The following INTS10 variants were observed in gnomAD, a reference collection of about 807,000 sequenced individuals.
The protein encoded by INTS10 is chromosome 8 open reading frame 35.
INTS10 carries 44 observed loss-of-function variants against 94.4 expected under a neutral mutation model. That is an observed-to-expected ratio of 0.47 (90% CI 0.37 to 0.60). The LOEUF (loss-of-function observed/expected upper bound fraction) is 0.60, where lower values mean the gene tolerates loss of function less well. INTS10 is among the 20% of genes least tolerant of loss of function. The pLI is 0.00. For missense variants in INTS10, 797 were observed against 868.7 expected, an observed-to-expected ratio of 0.92 and a Z score of 1.04; for synonymous variants, 341 against 320.7, an observed-to-expected ratio of 1.06 and a Z score of -0.68.
At position 19,849,175 on chromosome 8, in the gene INTS10, C is replaced by T. The variant is rs2068820090; in HGVS notation, c.1977-2474C>T. The T allele has an allele frequency of 7.8e-7, 1 of 1,289,334 alleles. No homozygotes were observed. Among genetic ancestry groups the T allele is most frequent in the Admixed American group, 2.3e-5 (1 of 43,536 alleles). The allele number at this position is 1,289,334 out of a possible 1,614,324, so 79.9% of individuals were successfully genotyped here. On this transcript the variant is annotated intron_variant, in intron 16 of 16. Coordinates refer to ENST00000397977, the MANE Select transcript of INTS10 (RefSeq NM_018142.4). This position sits in a 1 kb window ranked among gnomAD's most constrained non-coding sequence, Gnocchi z 4.6. ...TGTTTTTTAAAGGCCTTCTAGCCCT[C>T]CCATGGGGTTACTGCAGCAGGAATT...
chr8:19,830,571 C>G lies in INTS10; in HGVS notation c.1294+12C>G, dbSNP rs758562149. ...ATTCCTTGACAAAGGTAAGAAAGCG[C>G]ATGTCATTGGTGCTGTTTGATGTTT... On this transcript the variant is annotated intron_variant, in intron 10 of 16. Coordinates refer to ENST00000397977, the MANE Select transcript of INTS10 (RefSeq NM_018142.4). 1 of 1,607,438 alleles carries G rather than the reference C, an allele frequency of 6.2e-7. No individual in the cohort carries two copies. Among genetic ancestry groups the G allele is most frequent in the Non-Finnish European group, 8.5e-7 (1 of 1,176,972 alleles).
In INTS10 at chr8:19,826,562, A is replaced by G; in HGVS notation, c.1140+3A>G. The G allele has an allele frequency of 6.2e-7, 1 of 1,609,670 alleles. No homozygotes were observed. Among genetic ancestry groups the G allele is most frequent in the Middle Eastern group, 1.7e-4 (1 of 6,042 alleles). On this transcript the variant is annotated splice_donor_region_variant and intron_variant, in intron 9 of 16. Transcript: ENST00000397977. ...CTGAAGGAAGAGAAAAAACCATGGT[A>G]AGGCTTTCAAATATACTTATTAACA... is the stretch of plus-strand genomic sequence containing the variant.
At chr8:19,826,692 C>A in intron 9 of INTS10, 133 bp downstream of exon 9, 1 of 823,570 alleles carries the variant, frequency 1.2e-6, no homozygotes, top group Non-Finnish European at 1.8e-6. Flanking sequence ...TTAATAATTA[C>A]TAAGTCAGTG....
At chr8:19,833,618 T>G (rs950293596) in intron 12 of INTS10, among the ~76,000 whole-genome samples, 14 of 152,290 alleles carry the variant, frequency 9.2e-5, no homozygotes, top group African/African-American at 3.4e-4. Flanking sequence ...ATTACACTCT[T>G]GTCTCTTCTG....
chr8:19,830,178 GA>G lies in INTS10; in HGVS notation c.1141-220del, dbSNP rs893865745. Among the ~76,000 whole-genome samples, 7 of 151,632 alleles carry G rather than the reference GA, an allele frequency of 4.6e-5. No individual in the cohort carries two copies. In the South Asian group the frequency reaches 8.3e-4, roughly 18 times the overall value. ...AAGCAAACATAAGAATTTAACATCAGAAAAAAAATTCACTCAATTTTAGAAG... is the reference window on the plus strand; with the variant it reads ...AAGCAAACATAAGAATTTAACATCAGAAAAAAATTCACTCAATTTTAGAAG... On this transcript the variant is annotated intron_variant, in intron 9 of 16. Transcript: ENST00000397977.
At chr8:19,825,145 ATGT>A (rs1372221663) in intron 8 of INTS10, among the ~76,000 whole-genome samples, 173 bp downstream of exon 8, 2 of 152,216 alleles carry the variant, frequency 1.3e-5, no homozygotes, top group Non-Finnish European at 2.9e-5. Context: ...GGTAGTTTTT[ATGT>A]AAGTATATTT....
rs2069025756 is a variant in INTS10 at position 19,851,458 on chromosome 8, C to T, written c.1977-191C>T. On this transcript the variant is annotated intron_variant, in intron 16 of 16. Coordinates refer to ENST00000397977, the MANE Select transcript of INTS10 (RefSeq NM_018142.4). The surrounding 1 kb of genome is among the most constrained non-coding windows in gnomAD (Gnocchi z 5.0). ...TTTATAGAGTGAGAAAGATGTCTGT[C>T]TAGTTTTAAGTCTTTCTGAAGAGAA... Among the ~76,000 whole-genome samples, 1 of 152,196 alleles carries T rather than the reference C, an allele frequency of 6.6e-6. No homozygotes were observed. The highest frequency in any genetic ancestry group is 2.1e-4 in the South Asian group (1 of 4,830).
chr8:19,835,519 G>T (rs952790720), intron 12 of INTS10, among the ~76,000 whole-genome samples: 84 of 152,216 alleles, frequency 5.5e-4, no homozygotes, highest in African/African-American at 1.9e-3. Context: ...TCAGGGAAGG[G>T]TGTTTTCTTT....
rs375757550 is a variant in INTS10, at chr8:19,844,216, G to T, written c.1860G>T (p.Glu620Asp). Residue 620 changes from glutamate (E) to aspartate (D), a missense_variant, in exon 15 of 17, where the codon GAG (glutamate) becomes GAT (aspartate). Physicochemically the swap from Glu to Asp is conservative, Grantham distance 45 (BLOSUM62 2). Transcript: ENST00000397977. ...KICQQGNFQYENFFNYVTNID... is the reference protein window; with the variant it reads ...KICQQGNFQYDNFFNYVTNID... ...GCCAACAAGGAAATTTCCAATATGA[G>T]AATTTTTTCAATTACGTTACAAGTA... is the stretch of plus-strand genomic sequence containing the variant. The T allele has an allele frequency of 5.0e-6, 8 of 1,611,696 alleles. No homozygotes were observed. Among genetic ancestry groups the T allele is most frequent in the East Asian group, 2.2e-5 (1 of 44,860 alleles).
intron 7 of INTS10, 143 bp from the exon 8 acceptor site, chr8:19,824,660 A>G (rs910085171): frequency 5.4e-6 from 3 of 560,622 alleles, no homozygotes; most frequent in Non-Finnish European, 9.2e-6. Context: ...AAAAGTTACC[A>G]TTTATATTGG....
chr8:19,833,350 G>A (rs747092892), intron 12 of INTS10, 29 bp downstream of exon 12: 15 of 1,486,956 alleles, frequency 1.0e-5, no homozygotes, highest in East Asian at 5.1e-5. Context: ...CATGCCTGCC[G>A]CAGGTGCACG....
rs932102995 is a variant in INTS10 at position 19,851,039 on chromosome 8, C to T, written c.1977-610C>T. 1.3e-5 allele frequency among the ~76,000 whole-genome samples: 2 copies of T among 152,168 alleles called. No individual in the cohort carries two copies. Among genetic ancestry groups the T allele is most frequent in the East Asian group, 1.9e-4 (1 of 5,192 alleles). ...ATTCTTGTGTCAGGACCCCACCTCC[C>T]GCTGCGTTTTCTTCAACATATGAGA... On this transcript the variant is annotated intron_variant, in intron 16 of 16. Transcript: ENST00000397977. This position sits in a 1 kb window ranked among gnomAD's most constrained non-coding sequence, Gnocchi z 5.0.
At chr8:19,823,072 T>G (rs1380134931) in intron 5 of INTS10, among the ~76,000 whole-genome samples, 3 of 152,178 alleles carry the variant, frequency 2.0e-5, no homozygotes, top group Non-Finnish European at 4.4e-5. Flanking sequence ...CTGAATTCAA[T>G]GGAAGAACTG....
In INTS10 at chr8:19,827,824, T is replaced by G. The variant is rs78536290; in HGVS notation, c.1140+1265T>G. On this transcript the variant is annotated intron_variant, in intron 9 of 16. Transcript: ENST00000397977. ...TATCCCTGAGTCTGCCCCAACCTGA[T>G]GCAGGTCCAGACCTTAAAGGCCCAT... Among the ~76,000 whole-genome samples the G allele has an allele frequency of 2.0e-3, 301 of 152,346 alleles. 3 individuals carry two copies. Among genetic ancestry groups the G allele is most frequent in the African/African-American group, 7.0e-3 (290 of 41,572 alleles).
Position 19,851,862 on chromosome 8 carries a change from T to A in INTS10, c.*57T>A. On this transcript the variant is annotated 3_prime_UTR_variant, in exon 17 of 17. Coordinates refer to ENST00000397977, the MANE Select transcript of INTS10 (RefSeq NM_018142.4). The surrounding 1 kb of genome is among the most constrained non-coding windows in gnomAD (Gnocchi z 5.0). ...CCTGTGTAATTGTAGGAGAAGACAC[T>A]CAGCAGTGATTGCCATGGCACAGAG... 6.7e-7 allele frequency: 1 copy of A among 1,482,844 alleles called. No individual in the cohort carries two copies. Among genetic ancestry groups the A allele is most frequent in the South Asian group, 1.1e-5 (1 of 87,098 alleles). 91.9% of individuals were successfully genotyped at this position (1,482,844 alleles called of 1,614,324 possible). A position where few individuals can be genotyped will look rare whatever the true frequency, so the allele number is the denominator to read the frequency against.
intron 16 of INTS10, among the ~76,000 whole-genome samples, chr8:19,848,043 T>C (rs938592133): frequency 3.1e-4 from 47 of 152,260 alleles, no homozygotes; most frequent in African/African-American, 1.1e-3. Flanking sequence ...CAGTCTTCAC[T>C]GTGTGAATCT....
At position 19,843,362 on chromosome 8, in the gene INTS10, G is replaced by A. The variant is rs1313663648; in HGVS notation, c.1719+435G>A. 6.6e-6 allele frequency among the ~76,000 whole-genome samples: 1 copy of A among 152,112 alleles called. No homozygotes were observed. Among genetic ancestry groups the A allele is most frequent in the Non-Finnish European group, 1.5e-5 (1 of 68,022 alleles). ...ACAGCCCAACAGTTGGGAAAGTTCC[G>A]GGACTTGAAAGAACGCCAAGGCCCT... On this transcript the variant is annotated intron_variant, in intron 14 of 16. Transcript: ENST00000397977. This position sits in a 1 kb window ranked among gnomAD's most constrained non-coding sequence, Gnocchi z 4.7.
rs1359555549 is a variant in INTS10 at position 19,842,888 on chromosome 8, C to T, written c.1680C>T (p.Ile560=). The T allele has an allele frequency of 6.2e-7, 1 of 1,613,002 alleles. No individual in the cohort carries two copies. Among genetic ancestry groups the T allele is most frequent in the South Asian group, 1.1e-5 (1 of 91,040 alleles). Residue 560 remains isoleucine (I), a synonymous_variant, in exon 14 of 17, where the codon ATC becomes ATT. Coordinates refer to ENST00000397977, the MANE Select transcript of INTS10 (RefSeq NM_018142.4). ...TCCTGCCTTGTACCAGCAAGGCTAT[C>T]ATGCCATACTGCCTCCATTTAATGT... ...LKLLPCTSKA[I]MPYCLHLMLA...
rs565675578 is a variant in INTS10 at position 19,846,267 on chromosome 8, CAA to C, written c.1976+485_1976+486del. Among the ~76,000 whole-genome samples, 1,230 of 105,838 alleles carry C rather than the reference CAA, an allele frequency of 0.012. 15 individuals are homozygous for C. The highest frequency in any genetic ancestry group is 0.04 in the African/African-American group (1,153 of 29,002). 69.4% of individuals were successfully genotyped at this position (105,838 alleles called of 152,430 possible). On this transcript the variant is annotated intron_variant, in intron 16 of 16. Transcript: ENST00000397977. This position sits in a 1 kb window ranked among gnomAD's most constrained non-coding sequence, Gnocchi z 4.2. ...TGAAACCCCGTCTCTACTAAAAATA[CAA>C]AAAAAAAAAAAAAATTATGTGGGCA...
Sources: gnomAD v4.1 joint callset for allele counts (sites outside exome capture counted in the v4.1 genomes callset) on GRCh38, gnomAD v4.1.1 for gene constraint, Gnocchi (gnomAD v3.1) non-coding constraint, MANE v1.5 for transcripts, NCBI Gene and HGNC (gene_info 2026-07-23, HGNC 2026-07-21) for gene names.